Variants in UGT1A8 observed in about 807,000 individuals in gnomAD.
UGT1A8 encodes UDP glucuronosyltransferase family 1 member A8.
In UGT1A8, 39 loss-of-function variants were observed where a neutral mutation model predicts 45.3. The ratio of observed to expected loss-of-function variants is 0.86; its 90% CI spans 0.67 to 1.12. The LOEUF (loss-of-function observed/expected upper bound fraction) is 1.12, where lower values mean the gene tolerates loss of function less well. UGT1A8 is among the 50% of genes most tolerant of loss of function. UGT1A8 has a pLI of 0.00. For synonymous variants in UGT1A8, 275 were observed against 249.2 expected, an observed-to-expected ratio of 1.10 and a Z score of -0.97; for missense variants, 719 against 664.9, an observed-to-expected ratio of 1.08 and a Z score of -0.90.
chr2:233,712,550 T>A (rs2076239846), intron 1 of UGT1A8, among the ~76,000 whole-genome samples: 2 of 151,862 alleles, frequency 1.3e-5, no homozygotes, highest in Admixed American at 1.3e-4. Flanking sequence ...GAAGAAAGAG[T>A]ATTAAGAGTT....
intron 1 of UGT1A8, chr2:233,713,713 G>A: frequency 6.2e-7 from 1 of 1,613,962 alleles, no homozygotes; most frequent in Non-Finnish European, 8.5e-7. Context: ...CTTTTTCAGA[G>A]AGAGGTGTCA....
At chr2:233,758,733 C>T (rs1161987353) in intron 1 of UGT1A8, among the ~76,000 whole-genome samples, 1 of 152,140 alleles carries the variant, frequency 6.6e-6, no homozygotes, top group African/African-American at 2.4e-5. Context: ...TAAGCACATC[C>T]CCAAGTATGG....
At chr2:233,723,943 C>T (rs2125696372) in intron 1 of UGT1A8, among the ~76,000 whole-genome samples, 1 of 54,774 alleles carries the variant, frequency 1.8e-5, no homozygotes, top group African/African-American at 1.4e-4. Flanking sequence ...TCTACACAGA[C>T]ACGGCAACCA....
At chr2:233,755,119 C>A (rs2125932041) in intron 1 of UGT1A8, 1 of 1,329,394 alleles carries the variant, frequency 7.5e-7, no homozygotes. Context: ...TCGTAGGCCT[C>A]AGCCACCTGC....
chr2:233,704,197 T>C (rs914829161), intron 1 of UGT1A8, among the ~76,000 whole-genome samples: 5 of 151,924 alleles, frequency 3.3e-5, no homozygotes, highest in African/African-American at 1.2e-4. Context: ...GGCCCCATTT[T>C]ACTTTTTATG....
intron 1 of UGT1A8, among the ~76,000 whole-genome samples, chr2:233,736,416 C>T (rs933216996): frequency 3.3e-5 from 5 of 152,094 alleles, no homozygotes; most frequent in Non-Finnish European, 4.4e-5. Context: ...TTCATCTAAC[C>T]TTTTTTCAAG....
At chr2:233,768,033 A>C in intron 3 of UGT1A8, 97 bp downstream of exon 3, 1 of 1,612,338 alleles carries the variant, frequency 6.2e-7, no homozygotes, top group South Asian at 1.1e-5. Flanking sequence ...GCTTGAAAAT[A>C]TTATGGCCAA....
chr2:233,666,279 C>A (rs2074074439), intron 1 of UGT1A8, among the ~76,000 whole-genome samples: 1 of 152,226 alleles, frequency 6.6e-6, no homozygotes, highest in Non-Finnish European at 1.5e-5. Flanking sequence ...CAAACACCTC[C>A]TGCTAAGCCC....
chr2:233,689,650 T>C (rs372119020), intron 1 of UGT1A8, among the ~76,000 whole-genome samples: 2 of 152,280 alleles, frequency 1.3e-5, no homozygotes, highest in South Asian at 4.1e-4. Context: ...TGCTCATGAG[T>C]GTGACTTCCT....
intron 1 of UGT1A8, chr2:233,636,842 C>G (rs2073304693): frequency 1.2e-6 from 2 of 1,614,090 alleles, no homozygotes; most frequent in African/African-American, 1.3e-5. Flanking sequence ...AGTATATTTT[C>G]TCTATTAATG....
intron 1 of UGT1A8, among the ~76,000 whole-genome samples, chr2:233,711,923 C>G (rs946379005): frequency 1.3e-5 from 2 of 152,212 alleles, no homozygotes; most frequent in Admixed American, 6.5e-5. Flanking sequence ...TGCTCAGGGT[C>G]TCTCCATTAG....
intron 1 of UGT1A8, among the ~76,000 whole-genome samples, chr2:233,731,205 G>A (rs956328200): frequency 4.6e-5 from 7 of 151,358 alleles, no homozygotes; most frequent in African/African-American, 1.5e-4. Context: ...TATAAAATAC[G>A]TGTTTATTTA....
chr2:233,749,182 C>G (rs1694137335), intron 1 of UGT1A8, among the ~76,000 whole-genome samples: 1 of 151,722 alleles, frequency 6.6e-6, no homozygotes, highest in Admixed American at 6.6e-5. Flanking sequence ...TTCTGTACTT[C>G]TTTTTATTAA....
chr2:233,670,685 G>C (rs763574037), intron 1 of UGT1A8, among the ~76,000 whole-genome samples: 2 of 152,152 alleles, frequency 1.3e-5, no homozygotes, highest in African/African-American at 4.8e-5. Flanking sequence ...TATCTTGAAA[G>C]ACCATATCCC....
Position 233,767,697 on chromosome 2 carries a change from C to A in UGT1A8, c.988-152C>A, listed in dbSNP as rs558537555. Reference sequence around the variant, plus strand: ...CTCCAAAACAAGATGCCGGAAGTTGCCAGTCCTCAGAAGCCTTCACAGTTA... The same window carrying A: ...CTCCAAAACAAGATGCCGGAAGTTGACAGTCCTCAGAAGCCTTCACAGTTA... On this transcript the variant is annotated intron_variant, in intron 2 of 4. Coordinates refer to ENST00000373450, the MANE Select transcript of UGT1A8 (RefSeq NM_019076.5). 77 of 1,498,202 alleles carry A rather than the reference C, an allele frequency of 5.1e-5. 3 individuals carry two copies. The South Asian group carries it at 9.5e-4, about 18-fold the overall frequency. 92.8% of individuals were successfully genotyped at this position (1,498,202 alleles called of 1,614,324 possible). A position where few individuals can be genotyped will look rare whatever the true frequency, so the allele number is the denominator to read the frequency against.
At chr2:233,761,160 T>C (rs1333134836) in intron 1 of UGT1A8, 2 of 1,614,242 alleles carry the variant, frequency 1.2e-6, no homozygotes, top group Non-Finnish European at 8.5e-7. Flanking sequence ...AGGTGTGTAT[T>C]GGAGTGGGAC....
chr2:233,636,517 T>C (rs765930659), intron 1 of UGT1A8: 1 of 1,609,130 alleles, frequency 6.2e-7, no homozygotes, highest in Non-Finnish European at 8.5e-7. Context: ...GGGCTGCAGT[T>C]CTCTCATGGC....
At chr2:233,666,169 G>T (rs547510652) in intron 1 of UGT1A8, among the ~76,000 whole-genome samples, 107 of 152,292 alleles carry the variant, frequency 7.0e-4, no homozygotes, top group African/African-American at 2.4e-3. Context: ...GGAGGCAGGT[G>T]CCAGGCTTTT....
rs552495015 is a variant in UGT1A8 at position 233,755,020 on chromosome 2, T to C, written c.856-12014T>C. On this transcript the variant is annotated intron_variant, in intron 1 of 4. Transcript: ENST00000373450. Reference sequence around the variant, plus strand: ...CTGAAGACCTACTCGAAGGGGTCCTTGAAGGGCCTGCCGCCTGCGCAGCCG... The same window carrying C: ...CTGAAGACCTACTCGAAGGGGTCCTCGAAGGGCCTGCCGCCTGCGCAGCCG... 4.2e-4 allele frequency: 552 copies of C among 1,304,914 alleles called. 2 individuals carry two copies. In the African/African-American group the frequency reaches 6.3e-3, roughly 15 times the overall value. 80.8% of individuals were successfully genotyped at this position (1,304,914 alleles called of 1,614,324 possible). A position where few individuals can be genotyped will look rare whatever the true frequency, so the allele number is the denominator to read the frequency against.
Sources: allele counts gnomAD v4.1 joint callset (sites outside exome capture counted in the v4.1 genomes callset), GRCh38; gene constraint gnomAD v4.1.1; transcripts MANE v1.5; gene names NCBI Gene and HGNC (gene_info 2026-07-23, HGNC 2026-07-21).